Variants in PPP1R37 observed in about 807,000 individuals in gnomAD.
PPP1R37 encodes protein phosphatase 1 regulatory subunit 37.
A neutral mutation model predicts 61.0 loss-of-function variants in PPP1R37; 21 were observed. The observed-to-expected ratio is 0.34, with a 90% CI of 0.24 to 0.50. PPP1R37 has a LOEUF of 0.50. Among genes scored for constraint, PPP1R37 ranks in the 20% least tolerant of loss-of-function variants. PPP1R37 has a pLI of 0.98. For synonymous variants in PPP1R37, 443 were observed against 433.5 expected (o/e 1.02, Z -0.27); for missense variants, 910 against 952.7 (o/e 0.96, Z 0.59).
intron 11 of PPP1R37, 166 bp downstream of exon 11, chr19:45,146,215 C>A: frequency 1.1e-6 from 1 of 942,216 alleles, no homozygotes; most frequent in Non-Finnish European, 1.5e-6. Flanking sequence ...TCCCTTGGGT[C>A]CTGGGAGCTC....
chr19:45,141,714 G>T (rs1968614246), intron 5 of PPP1R37, among the ~76,000 whole-genome samples: 1 of 152,184 alleles, frequency 6.6e-6, no homozygotes, highest in African/African-American at 2.4e-5. Context: ...TCCCCTTGGA[G>T]GTGGCCATGG....
At chr19:45,114,779 C>CG (rs1487576420) in intron 1 of PPP1R37, among the ~76,000 whole-genome samples, 2 of 151,974 alleles carry the variant, frequency 1.3e-5, no homozygotes, top group East Asian at 3.9e-4. Context: ...GACCCCCCCC[C>CG]CCATCTCCAC....
intron 1 of PPP1R37, among the ~76,000 whole-genome samples, chr19:45,101,991 C>G (rs1224385699): frequency 1.3e-5 from 2 of 152,236 alleles, no homozygotes; most frequent in Non-Finnish European, 2.9e-5. Context: ...TTCCCCTTCC[C>G]TTCTCTCCTT....
intron 1 of PPP1R37, among the ~76,000 whole-genome samples, chr19:45,119,597 C>T (rs1968314129): frequency 6.6e-6 from 1 of 152,230 alleles, no homozygotes. Context: ...CTCTCACCTG[C>T]ATTATTTTGC....
At chr19:45,144,660 G>A in intron 8 of PPP1R37, 194 bp from the exon 9 acceptor site, 1 of 550,202 alleles carries the variant, frequency 1.8e-6, no homozygotes, top group Middle Eastern at 4.7e-4. Context: ...CTGGCATTTG[G>A]GGAGACTTCA....
At chr19:45,120,239 G>C (rs556544447) in intron 1 of PPP1R37, among the ~76,000 whole-genome samples, 13 of 152,074 alleles carry the variant, frequency 8.5e-5, no homozygotes, top group African/African-American at 2.7e-4. Context: ...GGATGGTCTC[G>C]ATCTCCTGAC....
chr19:45,110,550 T>C (rs139149793), intron 1 of PPP1R37, among the ~76,000 whole-genome samples: 425 of 152,316 alleles, frequency 2.8e-3, no homozygotes, highest in African/African-American at 9.5e-3. Context: ...TTTCTTCTTA[T>C]AACTGGTAAA....
chr19:45,116,621 C>T (rs1968271143), intron 1 of PPP1R37, among the ~76,000 whole-genome samples: 1 of 152,194 alleles, frequency 6.6e-6, no homozygotes, highest in Admixed American at 6.5e-5. Context: ...TGCGGGCTCC[C>T]TTCCCTCCAG....
chr19:45,115,772 C>T (rs1036893909), intron 1 of PPP1R37, among the ~76,000 whole-genome samples: 1 of 152,052 alleles, frequency 6.6e-6, no homozygotes, highest in African/African-American at 2.4e-5. Context: ...GTCCGGAGTT[C>T]GAGACCAGCC....
At chr19:45,111,271 A>G (rs1663532542) in intron 1 of PPP1R37, among the ~76,000 whole-genome samples, 1 of 150,786 alleles carries the variant, frequency 6.6e-6, no homozygotes, top group South Asian at 2.1e-4. Flanking sequence ...TATTATTATT[A>G]TTATTATTAT....
intron 1 of PPP1R37, among the ~76,000 whole-genome samples, chr19:45,119,580 C>T (rs1241951348): frequency 1.3e-5 from 2 of 152,224 alleles, no homozygotes; most frequent in Non-Finnish European, 2.9e-5. Flanking sequence ...TGCCTATCTC[C>T]ATGCCACTCT....
chr19:45,122,018 G>C (rs866659127), intron 1 of PPP1R37, among the ~76,000 whole-genome samples: 1 of 152,144 alleles, frequency 6.6e-6, no homozygotes, highest in African/African-American at 2.4e-5. Flanking sequence ...CGAGGCCTTG[G>C]GGGTGTGGGG....
chr19:45,093,798 T>G (rs933570839), intron 1 of PPP1R37, among the ~76,000 whole-genome samples: 1 of 151,298 alleles, frequency 6.6e-6, no homozygotes, highest in Admixed American at 6.6e-5. Flanking sequence ...TTAAAGAAAG[T>G]TTGGTGTTTT....
chr19:45,115,070 T>G (rs569279000), intron 1 of PPP1R37, among the ~76,000 whole-genome samples: 1 of 152,236 alleles, frequency 6.6e-6, no homozygotes, highest in South Asian at 2.1e-4. Context: ...AGTATTGAGC[T>G]CAGTGCCCAG....
intron 1 of PPP1R37, among the ~76,000 whole-genome samples, chr19:45,094,178 C>T (rs1038537114): frequency 6.6e-6 from 1 of 152,158 alleles, no homozygotes; most frequent in Non-Finnish European, 1.5e-5. Flanking sequence ...GAGACAAGGT[C>T]TCACTACATT....
chr19:45,143,696 C>T, intron 8 of PPP1R37, 63 bp downstream of exon 8: 1 of 971,802 alleles, frequency 1.0e-6, no homozygotes. Flanking sequence ...CACTCCAGCT[C>T]TCAGCACAGT....
chr19:45,140,513 G>T lies in PPP1R37; in HGVS notation c.354G>T (p.Lys118Asn). The T allele has an allele frequency of 1.3e-6, 2 of 1,535,818 alleles. No individual in the cohort carries two copies. The highest frequency in any genetic ancestry group is 1.7e-6 in the Non-Finnish European group (2 of 1,146,650). Residue 118 changes from lysine to asparagine, a missense_variant, in exon 4 of 13, where the codon AAG becomes AAT. By Grantham distance (94) the Lys-to-Asn change is moderately conservative. This residue lies in a region of PPP1R37 where 280 missense variants were observed against 382.2 expected (regional missense o/e 0.73). Transcript: ENST00000221462. ...GCTGCTGTCTCCCCCCAGGTGAGAA[G>T]CTTGACTACAAGACCTGTGAGGCCC... The part of the protein sequence containing the change: ...RLDCLDLKGE[K>N]LDYKTCEALE...
chr19:45,095,166 T>C (rs1033224186), intron 1 of PPP1R37, among the ~76,000 whole-genome samples: 1 of 151,796 alleles, frequency 6.6e-6, no homozygotes, highest in Non-Finnish European at 1.5e-5. Flanking sequence ...ACACAGGGAG[T>C]CCATCATGAA....
At chr19:45,098,139 G>A (rs574699368) in intron 1 of PPP1R37, among the ~76,000 whole-genome samples, 1 of 152,022 alleles carries the variant, frequency 6.6e-6, no homozygotes, top group South Asian at 2.1e-4. Flanking sequence ...AGGGAAGCTC[G>A]GGGAGGAGGC....
Sources: allele counts gnomAD v4.1 joint callset (sites outside exome capture counted in the v4.1 genomes callset), GRCh38; gene constraint gnomAD v4.1.1; regional missense constraint gnomAD v4.1.1; transcripts MANE v1.5; gene names NCBI Gene and HGNC (gene_info 2026-07-23, HGNC 2026-07-21).